Variants in PLGRKT observed in about 807,000 individuals in gnomAD.
PLGRKT encodes the protein plasminogen receptor with a C-terminal lysine, also known as plasminogen receptor (KT).
Under a neutral mutation model 18.5 loss-of-function variants are expected in PLGRKT, and 22 were observed. The observed-to-expected ratio is 1.19, with a 90% CI of 0.85 to 1.70. PLGRKT has a LOEUF of 1.70. PLGRKT is among the 40% of genes most tolerant of loss of function. The pLI is 0.00. For synonymous variants in PLGRKT, 72 were observed against 52.8 expected (o/e 1.36, Z -1.58); for missense variants, 235 against 174.4 (o/e 1.35, Z -1.96).
At chr9:5,421,154 C>A (rs890489472) in intron 3 of PLGRKT, among the ~76,000 whole-genome samples, 2 of 152,332 alleles carry the variant, frequency 1.3e-5, no homozygotes, top group South Asian at 4.1e-4. Flanking sequence ...CACTCTCCCC[C>A]ATCCTTTCAG....
chr9:5,420,494 G>C (rs1360344252), intron 3 of PLGRKT, among the ~76,000 whole-genome samples: 2 of 152,184 alleles, frequency 1.3e-5, no homozygotes, highest in Non-Finnish European at 2.9e-5. Context: ...AGTGGGGACA[G>C]GAGGTATGGG....
rs201547310 is a variant in PLGRKT at position 5,395,888 on chromosome 9, GTTTTT to G, written c.82-34005_82-34001del. Among the ~76,000 whole-genome samples, 835 of 129,782 alleles carry G rather than the reference GTTTTT, an allele frequency of 6.4e-3. 19 individuals are homozygous for G. The highest frequency in any genetic ancestry group is 0.021 in the African/African-American group (731 of 34,218). The allele number at this position is 129,782 out of a possible 152,430, so 85.1% of individuals were successfully genotyped here. ...TTAGGGTTCATCCTCTAACCTAACA[GTTTTT>G]TTTTTTTTTTTTTTTCCTGAGACAG... On this transcript the variant is annotated intron_variant, in intron 3 of 5. Transcript: ENST00000223864.
chr9:5,380,631 T>C (rs1038122369), intron 3 of PLGRKT, among the ~76,000 whole-genome samples: 1 of 152,204 alleles, frequency 6.6e-6, no homozygotes, highest in Non-Finnish European at 1.5e-5. Flanking sequence ...CCTTCAGATA[T>C]ACTATATAAT....
chr9:5,422,883 T>TA (rs1818604586), intron 3 of PLGRKT, among the ~76,000 whole-genome samples: 1 of 152,198 alleles, frequency 6.6e-6, no homozygotes, highest in South Asian at 2.1e-4. Context: ...TTTAGCAAGT[T>TA]AGATTTGCTG....
intron 3 of PLGRKT, among the ~76,000 whole-genome samples, chr9:5,423,585 T>C (rs997351615): frequency 4.6e-5 from 7 of 152,146 alleles, no homozygotes; most frequent in Admixed American, 3.3e-4. Context: ...TCTGCAGCAT[T>C]TGACACCGTT....
At chr9:5,375,823 A>G (rs2131083843) in intron 3 of PLGRKT, among the ~76,000 whole-genome samples, 1 of 152,364 alleles carries the variant, frequency 6.6e-6, no homozygotes, top group South Asian at 2.1e-4. Context: ...TAGAACTAAC[A>G]TATAATCCAG....
At chr9:5,424,237 G>A (rs10815218) in intron 3 of PLGRKT, among the ~76,000 whole-genome samples, 33,182 of 135,398 alleles carry the variant, frequency 0.25, 4,173 homozygotes, top group Non-Finnish European at 0.27. Context: ...GTATTTATAT[G>A]TGTCATATAG....
In PLGRKT at chr9:5,358,339, T is replaced by C; in HGVS notation, c.344A>G (p.Glu115Gly). ...RMKGEAEDIL[E>G]TEKSKLQLPR... ...CAGCTGCAATTTACTCTTTTCTGTT[T>C]CCAGTATGTCCTCAGCTTCACCTTA... Residue 115 changes from glutamate (E) to glycine (G), a missense_variant, in exon 6 of 6, where the codon GAA becomes GGA. Transcript: ENST00000223864. 6.2e-7 allele frequency: 1 copy of C among 1,612,658 alleles called. No homozygotes were observed. The highest frequency in any genetic ancestry group is 8.5e-7 in the Non-Finnish European group (1 of 1,178,984).
At position 5,375,769 on chromosome 9, in the gene PLGRKT, G is replaced by C. The variant is rs544774333; in HGVS notation, c.82-13881C>G. 5.3e-5 allele frequency among the ~76,000 whole-genome samples: 8 copies of C among 152,342 alleles called. No individual in the cohort carries two copies. The East Asian group carries it at 1.5e-3, about 29-fold the overall frequency. ...GCTGGCAGGAATGTAAAATGATGCAGTTGCTGTGGAAAATGGTAAGGTGAT... is the reference window on the plus strand; with the variant it reads ...GCTGGCAGGAATGTAAAATGATGCACTTGCTGTGGAAAATGGTAAGGTGAT... On this transcript the variant is annotated intron_variant, in intron 3 of 5. Coordinates refer to ENST00000223864, the MANE Select transcript of PLGRKT (RefSeq NM_018465.4).
At chr9:5,401,190 C>T (rs1302312595) in intron 3 of PLGRKT, among the ~76,000 whole-genome samples, 1 of 151,682 alleles carries the variant, frequency 6.6e-6, no homozygotes, top group Non-Finnish European at 1.5e-5. Context: ...ACCCAGTCTA[C>T]ACAAGACACA....
intron 3 of PLGRKT, among the ~76,000 whole-genome samples, chr9:5,393,096 C>T (rs1817980153): frequency 6.6e-6 from 1 of 151,828 alleles, no homozygotes; most frequent in South Asian, 2.1e-4. Context: ...CCCGCCTCAG[C>T]CTCCCAAAGT....
At chr9:5,393,650 T>A (rs957444790) in intron 3 of PLGRKT, among the ~76,000 whole-genome samples, 2 of 151,922 alleles carry the variant, frequency 1.3e-5, no homozygotes, top group Non-Finnish European at 2.9e-5. Context: ...CTGCTCATTT[T>A]CAATCTTTTG....
Position 5,361,906 on chromosome 9 carries a change from G to C in PLGRKT, c.82-18C>G, listed in dbSNP as rs779699078. On this transcript the variant is annotated intron_variant, in intron 3 of 5. Coordinates refer to ENST00000223864, the MANE Select transcript of PLGRKT (RefSeq NM_018465.4). The stretch of plus-strand genomic sequence containing the variant: ...CTTTCCAGCTAAGGACAAAACAAAA[G>C]ACAAAGTAAAGTTACTCATCTTTGG... 3 of 1,606,400 alleles carry C rather than the reference G, an allele frequency of 1.9e-6. No individual in the cohort carries two copies. The highest frequency in any genetic ancestry group is 1.3e-5 in the African/African-American group (1 of 74,572).
At chr9:5,429,727 T>C (rs1329458048) in intron 3 of PLGRKT, among the ~76,000 whole-genome samples, 3 of 152,186 alleles carry the variant, frequency 2.0e-5, no homozygotes, top group Non-Finnish European at 4.4e-5. Context: ...CCAAACAAGA[T>C]CACATTCTGA....
rs535269813 is a variant in PLGRKT at position 5,367,979 on chromosome 9, T to A, written c.82-6091A>T. Reference sequence around the variant, plus strand: ...AAGACATATGCTTGGCCAACAAGCATATGAAAAAATGTTCAACAACAATAA... The same window carrying A: ...AAGACATATGCTTGGCCAACAAGCAAATGAAAAAATGTTCAACAACAATAA... On this transcript the variant is annotated intron_variant, in intron 3 of 5. Transcript: ENST00000223864. Among the ~76,000 whole-genome samples the A allele has an allele frequency of 2.2e-4, 33 of 152,238 alleles. No individual in the cohort carries two copies. The South Asian group carries it at 5.4e-3, about 25-fold the overall frequency.
At chr9:5,386,017 G>T (rs1817836323) in intron 3 of PLGRKT, among the ~76,000 whole-genome samples, 1 of 151,708 alleles carries the variant, frequency 6.6e-6, no homozygotes, top group East Asian at 1.9e-4. Flanking sequence ...GCAATCCACT[G>T]CCATATCTAG....
In PLGRKT at chr9:5,402,058, T is replaced by A. The variant is rs1407385; in HGVS notation, c.81+29839A>T. Among the ~76,000 whole-genome samples the A allele has an allele frequency of 2.5e-3, 384 of 152,064 alleles. 4 individuals carry two copies. Among genetic ancestry groups the A allele is most frequent in the Middle Eastern group, 0.02 (6 of 294 alleles). On this transcript the variant is annotated intron_variant, in intron 3 of 5. Coordinates refer to ENST00000223864, the MANE Select transcript of PLGRKT (RefSeq NM_018465.4). ...AGCAGTTTGAGAGCATCAAATTCAA[T>A]CTAAAATTGCTAGAAAACTTGTTAC...
chr9:5,404,851 G>C (rs1818225257), intron 3 of PLGRKT, among the ~76,000 whole-genome samples: 1 of 152,168 alleles, frequency 6.6e-6, no homozygotes, highest in African/African-American at 2.4e-5. Flanking sequence ...TTTGTTTGCA[G>C]ATGACATGAC....
At chr9:5,358,577 G>A in intron 5 of PLGRKT, among the ~76,000 whole-genome samples, 1 of 152,158 alleles carries the variant, frequency 6.6e-6, no homozygotes, top group East Asian at 1.9e-4. Flanking sequence ...GCTACAGATG[G>A]TATTTTTGAC....
Sources: allele counts gnomAD v4.1 joint callset (sites outside exome capture counted in the v4.1 genomes callset), GRCh38; gene constraint gnomAD v4.1.1; transcripts MANE v1.5; gene names NCBI Gene and HGNC (gene_info 2026-07-23, HGNC 2026-07-21).